The following MAML2 variants were observed in gnomAD, a reference collection of about 807,000 sequenced individuals.
The protein encoded by MAML2 is mastermind-like protein 2.
In MAML2, 22 loss-of-function variants were observed where a neutral mutation model predicts 96.1. The observed-to-expected ratio is 0.23, with a 90% confidence interval of 0.16 to 0.33. The LOEUF (loss-of-function observed/expected upper bound fraction) is 0.33. MAML2 is among the 10% of genes least tolerant of loss of function. The pLI is 1.00. For synonymous variants in MAML2, 561 were observed against 521.3 expected, an observed-to-expected ratio of 1.08 and a Z score of -1.04; for missense variants, 1,367 against 1,392.4, an observed-to-expected ratio of 0.98 and a Z score of 0.29.
intron 1 of MAML2, among the ~76,000 whole-genome samples, chr11:96,173,960 C>T (rs1449885884): frequency 6.6e-6 from 1 of 152,218 alleles, no homozygotes; most frequent in Non-Finnish European, 1.5e-5. Flanking sequence ...ACACTTGTGG[C>T]ATATCCCCCA....
chr11:96,037,205 C>CAAAA (rs1365940764), intron 2 of MAML2, among the ~76,000 whole-genome samples: 70 of 151,094 alleles, frequency 4.6e-4, no homozygotes, highest in African/African-American at 1.4e-3. Context: ...ACAACAACAA[C>CAAAA]AAAAAAAATA....
intron 1 of MAML2, among the ~76,000 whole-genome samples, chr11:96,115,297 G>A (rs1308476637): frequency 2.0e-5 from 3 of 151,966 alleles, no homozygotes; most frequent in South Asian, 2.1e-4. Flanking sequence ...CCAAGTAGCT[G>A]GGACTACAGG....
chr11:96,078,677 A>G (rs1348861849), intron 2 of MAML2, among the ~76,000 whole-genome samples: 2 of 152,224 alleles, frequency 1.3e-5, no homozygotes, highest in Non-Finnish European at 2.9e-5. Flanking sequence ...ACTTCCCTTG[A>G]TTAATGAGAG....
At chr11:96,177,916 TTGTGTGTGTGTGTGTGTGTG>T (rs58447778) in intron 1 of MAML2, among the ~76,000 whole-genome samples, 2 of 139,852 alleles carry the variant, frequency 1.4e-5, no homozygotes, top group African/African-American at 5.3e-5. Context: ...GAGACCTTAG[TTGTGTGTGTGTGTGTGTGTG>T]TGTGTGTGTG....
At chr11:96,142,256 G>C (rs1019305146) in intron 1 of MAML2, among the ~76,000 whole-genome samples, 2 of 152,176 alleles carry the variant, frequency 1.3e-5, no homozygotes, top group African/African-American at 4.8e-5. Context: ...AATAATTCAG[G>C]AGGAAGAGTC....
intron 1 of MAML2, among the ~76,000 whole-genome samples, chr11:96,220,641 C>G (rs931710103): frequency 6.6e-6 from 1 of 151,792 alleles, no homozygotes; most frequent in Non-Finnish European, 1.5e-5. Context: ...TTTTGTCATC[C>G]TTGGGTATGC....
chr11:96,296,374 G>A (rs994847963), intron 1 of MAML2, among the ~76,000 whole-genome samples: 3 of 152,198 alleles, frequency 2.0e-5, no homozygotes, highest in Non-Finnish European at 4.4e-5. Context: ...GCCGAGCACG[G>A]TGGCTCACAC....
chr11:96,095,054 C>G (rs1190126629), intron 1 of MAML2, among the ~76,000 whole-genome samples: 1 of 152,146 alleles, frequency 6.6e-6, no homozygotes, highest in Non-Finnish European at 1.5e-5. Context: ...GAAAGCAATA[C>G]TCAGAGAGAC....
chr11:96,106,311 A>G (rs1313706655), intron 1 of MAML2, among the ~76,000 whole-genome samples: 1 of 152,222 alleles, frequency 6.6e-6, no homozygotes, highest in African/African-American at 2.4e-5. Context: ...TTGTGAATCA[A>G]TGGTAATTCT....
chr11:96,016,223 T>C (rs917324561), intron 2 of MAML2, among the ~76,000 whole-genome samples: 6 of 137,302 alleles, frequency 4.4e-5, no homozygotes, highest in African/African-American at 1.7e-4. Flanking sequence ...GGAACTGCTT[T>C]CTGACTGATC....
intron 1 of MAML2, among the ~76,000 whole-genome samples, chr11:96,102,652 AC>A (rs1171095161): frequency 4.6e-5 from 7 of 152,214 alleles, no homozygotes; most frequent in Non-Finnish European, 8.8e-5. Flanking sequence ...CATGTAGTCT[AC>A]TACATTAAAC....
At chr11:96,221,630 G>A (rs985041433) in intron 1 of MAML2, among the ~76,000 whole-genome samples, 2 of 148,902 alleles carry the variant, frequency 1.3e-5, no homozygotes, top group Non-Finnish European at 3.0e-5. Context: ...ACCAAAATCA[G>A]TATTGAGCTC....
At chr11:95,981,218 G>A (rs80339339) in intron 4 of MAML2, among the ~76,000 whole-genome samples, 6,393 of 152,272 alleles carry the variant, frequency 0.042, 161 homozygotes, top group Middle Eastern at 0.071. Context: ...TGTGACGAGA[G>A]CCTGGTTTTA....
At position 96,274,849 on chromosome 11, in the gene MAML2, C is replaced by A. The variant is rs569134805; in HGVS notation, c.513+66534G>T. Among the ~76,000 whole-genome samples, 4 of 152,254 alleles carry A rather than the reference C, an allele frequency of 2.6e-5. No individual in the cohort carries two copies. In the South Asian group the frequency reaches 8.3e-4, roughly 32 times the overall value. Reference sequence around the variant, plus strand: ...AGAAGAAAATAAATATCACCTGAATCTAATACCCTAGAGATCACTACTGTA... The same window carrying A: ...AGAAGAAAATAAATATCACCTGAATATAATACCCTAGAGATCACTACTGTA... On this transcript the variant is annotated intron_variant, in intron 1 of 4. Coordinates refer to ENST00000524717, the MANE Select transcript of MAML2 (RefSeq NM_032427.4).
At chr11:96,318,980 C>T (rs371416879) in intron 1 of MAML2, among the ~76,000 whole-genome samples, 23 of 152,336 alleles carry the variant, frequency 1.5e-4, no homozygotes, top group African/African-American at 5.5e-4. Context: ...TTCTCCCACA[C>T]TGTTCCTGGT....
intron 2 of MAML2, among the ~76,000 whole-genome samples, chr11:96,001,686 A>G: frequency 6.6e-6 from 1 of 152,054 alleles, no homozygotes; most frequent in Non-Finnish European, 1.5e-5. Flanking sequence ...TAATAAAATG[A>G]TTTTTCCCTT....
chr11:96,173,031 G>C (rs553163616), intron 1 of MAML2, among the ~76,000 whole-genome samples: 3 of 152,246 alleles, frequency 2.0e-5, no homozygotes, highest in East Asian at 3.9e-4. Context: ...TCTCCTCCTT[G>C]CACCCCATCA....
Position 96,180,301 on chromosome 11 carries a change from G to A in MAML2, c.514-86784C>T, listed in dbSNP as rs576216491. Among the ~76,000 whole-genome samples the A allele has an allele frequency of 2.6e-5, 4 of 152,204 alleles. No homozygotes were observed. In the South Asian group the frequency reaches 6.2e-4, roughly 24 times the overall value. On this transcript the variant is annotated intron_variant, in intron 1 of 4. Coordinates refer to ENST00000524717, the MANE Select transcript of MAML2 (RefSeq NM_032427.4). ...AGGTGGGTCTACGTTCCCTCCTCTC[G>A]AATCAGAGCCAGAATGTGTGACTTC... is the stretch of plus-strand genomic sequence containing the variant.
At chr11:96,002,258 A>G (rs965833313) in intron 2 of MAML2, among the ~76,000 whole-genome samples, 12 of 152,192 alleles carry the variant, frequency 7.9e-5, no homozygotes, top group African/African-American at 2.4e-4. Context: ...TTAAAAATAT[A>G]TGAATGATTG....
Sources: gnomAD v4.1 joint callset for allele counts (sites outside exome capture counted in the v4.1 genomes callset) on GRCh38, gnomAD v4.1.1 for gene constraint, MANE v1.5 for transcripts, NCBI Gene and HGNC (gene_info 2026-07-23, HGNC 2026-07-21) for gene names.